The following PTPRT variants were observed in gnomAD, a reference collection of about 807,000 sequenced individuals.
The protein encoded by PTPRT is protein tyrosine phosphatase receptor type T, also known as receptor-type tyrosine-protein phosphatase T.
A neutral mutation model predicts 176.8 loss-of-function variants in PTPRT; 56 were observed. The ratio of observed to expected loss-of-function variants is 0.32; its 90% CI spans 0.26 to 0.40. The LOEUF (loss-of-function observed/expected upper bound fraction) is 0.40, where lower values mean the gene tolerates loss of function less well. PTPRT is among the 10% of genes least tolerant of loss of function. PTPRT has a pLI of 1.00. For missense variants in PTPRT, 1,540 were observed against 1,908.2 expected, an observed-to-expected ratio of 0.81 and a Z score of 3.60; for synonymous variants, 783 against 739.0, an observed-to-expected ratio of 1.06 and a Z score of -0.96.
chr20:42,125,806 T>C (rs188825906), intron 19 of PTPRT, among the ~76,000 whole-genome samples: 1 of 152,266 alleles, frequency 6.6e-6, no homozygotes, highest in African/African-American at 2.4e-5. Context: ...TGAGTGCCTA[T>C]CTAGGAAAAT....
chr20:43,144,058 T>G (rs1264560206), intron 1 of PTPRT, among the ~76,000 whole-genome samples: 2 of 152,162 alleles, frequency 1.3e-5, no homozygotes, highest in African/African-American at 4.8e-5. Flanking sequence ...TGGGGCACCA[T>G]ACTTCCAGTG....
At chr20:42,605,384 GT>G (rs1240498404) in intron 7 of PTPRT, among the ~76,000 whole-genome samples, 1 of 152,140 alleles carries the variant, frequency 6.6e-6, no homozygotes, top group African/African-American at 2.4e-5. Flanking sequence ...CTGCTCATCA[GT>G]CCCTGAGTGA....
chr20:42,280,591 T>C (rs547231384), intron 13 of PTPRT, among the ~76,000 whole-genome samples: 54 of 152,184 alleles, frequency 3.5e-4, no homozygotes, highest in Non-Finnish European at 5.6e-4. Flanking sequence ...TTTACCTGCA[T>C]ACACACTCCA....
chr20:42,984,805 G>T (rs1416527270), intron 1 of PTPRT, among the ~76,000 whole-genome samples: 2 of 152,224 alleles, frequency 1.3e-5, no homozygotes, highest in Non-Finnish European at 2.9e-5. Context: ...TATGATGCCA[G>T]TCATAAGAAC....
At chr20:42,857,472 C>G (rs2078585559) in intron 2 of PTPRT, among the ~76,000 whole-genome samples, 1 of 152,212 alleles carries the variant, frequency 6.6e-6, no homozygotes, top group African/African-American at 2.4e-5. Flanking sequence ...ATTCTTTTAA[C>G]CTTTTTGCAA....
chr20:42,444,718 T>A (rs1270372993), intron 9 of PTPRT, among the ~76,000 whole-genome samples: 1 of 152,196 alleles, frequency 6.6e-6, no homozygotes, highest in African/African-American at 2.4e-5. Context: ...TGTAATAAAA[T>A]ATTCTATTTT....
chr20:42,485,945 A>C (rs1288353922), intron 7 of PTPRT, among the ~76,000 whole-genome samples: 1 of 152,216 alleles, frequency 6.6e-6, no homozygotes, highest in Non-Finnish European at 1.5e-5. Flanking sequence ...GCAATGAAAA[A>C]GGCAATTGAC....
intron 6 of PTPRT, among the ~76,000 whole-genome samples, chr20:42,745,004 T>C (rs1386961968): frequency 6.6e-6 from 1 of 152,198 alleles, no homozygotes; most frequent in South Asian, 2.1e-4. Flanking sequence ...GCCAGCTTTA[T>C]TGGCCTGAAA....
At chr20:42,182,470 T>A (rs1381382195) in intron 16 of PTPRT, among the ~76,000 whole-genome samples, 2 of 152,146 alleles carry the variant, frequency 1.3e-5, no homozygotes, top group South Asian at 2.1e-4. Flanking sequence ...AGAACACAGC[T>A]GGCTGAAGAT....
chr20:42,660,749 A>G (rs1310334848), intron 7 of PTPRT, among the ~76,000 whole-genome samples: 2 of 152,210 alleles, frequency 1.3e-5, no homozygotes, highest in Non-Finnish European at 2.9e-5. Context: ...TGGGGAGTAT[A>G]TAGTCTAATG....
chr20:43,004,563 C>T (rs1984757034), intron 1 of PTPRT, among the ~76,000 whole-genome samples: 1 of 152,178 alleles, frequency 6.6e-6, no homozygotes, highest in Admixed American at 6.5e-5. Context: ...CATGATGGGA[C>T]TTTCAACTGC....
chr20:42,450,686 G>T (rs549260646), intron 8 of PTPRT, among the ~76,000 whole-genome samples: 1 of 152,086 alleles, frequency 6.6e-6, no homozygotes, highest in Non-Finnish European at 1.5e-5. Context: ...AATTAGTCAG[G>T]TATCCTATTG....
At chr20:42,055,158 C>T in the PTPRT span, among the ~76,000 whole-genome samples, 1 of 152,186 alleles carries the variant, frequency 6.6e-6, no homozygotes, top group Non-Finnish European at 1.5e-5. Flanking sequence ...GTGTGCTTAA[C>T]GTGGCGGTAC....
chr20:42,906,311 C>T (rs745775722), intron 1 of PTPRT, among the ~76,000 whole-genome samples: 7 of 152,162 alleles, frequency 4.6e-5, no homozygotes, highest in East Asian at 3.9e-4. Context: ...TTGGCCGGGG[C>T]GGTCAGAGGG....
chr20:43,062,005 T>C (rs988663466), intron 1 of PTPRT, among the ~76,000 whole-genome samples: 2 of 152,190 alleles, frequency 1.3e-5, no homozygotes, highest in Admixed American at 6.5e-5. Context: ...CACAAAACAG[T>C]ACATACTGCA....
chr20:42,816,542 G>T (rs1250739171), intron 2 of PTPRT, among the ~76,000 whole-genome samples: 2 of 152,154 alleles, frequency 1.3e-5, no homozygotes, highest in African/African-American at 4.8e-5. Context: ...TGTCGAGGAA[G>T]GGAGGTGACT....
intron 24 of PTPRT, among the ~76,000 whole-genome samples, chr20:42,106,214 A>C (rs759029796): frequency 6.6e-6 from 1 of 152,238 alleles, no homozygotes; most frequent in Non-Finnish European, 1.5e-5. Context: ...CAGTAGGTAC[A>C]CAACAATAAA....
chr20:42,179,495 C>A (rs866733950), intron 16 of PTPRT, among the ~76,000 whole-genome samples: 40 of 152,164 alleles, frequency 2.6e-4, no homozygotes, highest in Admixed American at 9.8e-4. Flanking sequence ...TTCCCTAAGA[C>A]AATGAATTAG....
intron 7 of PTPRT, among the ~76,000 whole-genome samples, chr20:42,609,691 T>C (rs892452697): frequency 1.3e-5 from 2 of 152,150 alleles, no homozygotes; most frequent in Non-Finnish European, 2.9e-5. Context: ...CCAGCTTCTC[T>C]TCCTCTAGGA....
Sources: gnomAD v4.1 joint callset for allele counts (sites outside exome capture counted in the v4.1 genomes callset) on GRCh38, gnomAD v4.1.1 for gene constraint, MANE v1.5 for transcripts, NCBI Gene and HGNC (gene_info 2026-07-23, HGNC 2026-07-21) for gene names.